Variants in COL6A3 observed in about 807,000 individuals in gnomAD.
The protein encoded by COL6A3 is collagen alpha-3(VI) chain.
COL6A3 carries 137 observed loss-of-function variants against 274.1 expected under a neutral mutation model. The observed-to-expected ratio is 0.50, with a 90% CI of 0.44 to 0.58. The LOEUF (loss-of-function observed/expected upper bound fraction) is 0.58, where lower values mean the gene tolerates loss of function less well. Ranked by LOEUF, COL6A3 falls within the 20% of genes least tolerant of loss-of-function variation. The pLI is 0.00. For synonymous variants in COL6A3, 1,650 were observed against 1,650.6 expected, an observed-to-expected ratio of 1.00 and a Z score of 0.01; for missense variants, 3,950 against 4,124.9, an observed-to-expected ratio of 0.96 and a Z score of 1.16.
rs936039066 is a variant in COL6A3 at position 237,414,044 on chromosome 2, T to C, written c.-122A>G. On this transcript the variant is annotated 5_prime_UTR_variant, in exon 1 of 44. Transcript: ENST00000295550. ...TACTTTTCCCACTCACTGCGTCTCT[T>C]TTTCTTTTTGCAGCCTTTCTCCACC... The C allele has an allele frequency of 6.6e-6, 1 of 152,228 alleles. No homozygotes were observed. Among genetic ancestry groups the C allele is most frequent in the Non-Finnish European group, 1.5e-5 (1 of 68,048 alleles). The allele number at this position is 152,228 out of a possible 1,614,324, so 9.4% of individuals were successfully genotyped here.
At position 237,334,546 on chromosome 2, in the gene COL6A3, ATAAG is replaced by A. The variant is rs377696809; in HGVS notation, c.9229+76_9229+79del. 4.1e-3 allele frequency: 6,090 copies of A among 1,470,818 alleles called. 14 individuals are homozygous for A. Among genetic ancestry groups the A allele is most frequent in the Non-Finnish European group, 5.3e-3 (5,571 of 1,057,320 alleles). 91.1% of individuals were successfully genotyped at this position (1,470,818 alleles called of 1,614,324 possible). On this transcript the variant is annotated intron_variant, in intron 41 of 43. Transcript: ENST00000295550. Reference sequence around the variant, plus strand: ...TTGTGGTTATTTCAGAATAGATTCAATAAGTAAGTGTCTCCTTTGTGTCCTATTT... The same window carrying A: ...TTGTGGTTATTTCAGAATAGATTCAATAAGTGTCTCCTTTGTGTCCTATTT...
At chr2:237,357,759 G>C in intron 22 of COL6A3, 58 bp downstream of exon 22, 1 of 1,548,760 alleles carries the variant, frequency 6.5e-7, no homozygotes, top group Non-Finnish European at 8.9e-7. Context: ...GAGCCGAGAA[G>C]TGTGTCCTTT....
In COL6A3 at chr2:237,377,172, A is replaced by G; in HGVS notation, c.2670T>C (p.Phe890=). 1 of 1,614,190 alleles carries G rather than the reference A, an allele frequency of 6.2e-7. No homozygotes were observed. ...YSDDVKVESR[F]DEHQSKPEIL... Reference sequence around the variant, plus strand: ...TCTCAGGCTTACTCTGGTGCTCATCAAAACGGGACTCCACCTTGACATCAT... The same window carrying G: ...TCTCAGGCTTACTCTGGTGCTCATCGAAACGGGACTCCACCTTGACATCAT... Residue 890 remains phenylalanine (F), a synonymous_variant, in exon 7 of 44, where the codon TTT becomes TTC. Coordinates refer to ENST00000295550, the MANE Select transcript of COL6A3 (RefSeq NM_004369.4).
chr2:237,363,210 G>C, intron 14 of COL6A3, 43 bp downstream of exon 14: 6 of 1,602,020 alleles, frequency 3.7e-6, no homozygotes, highest in South Asian at 1.1e-5. Context: ...AAAAGGTGTG[G>C]TATCTACACT....
chr2:237,348,787 G>A, intron 28 of COL6A3, 124 bp from the exon 29 acceptor site: 1 of 812,464 alleles, frequency 1.2e-6, no homozygotes. Context: ...GCAGACTAAG[G>A]TACAGGAGTA....
chr2:237,363,443 A>G, intron 13 of COL6A3, 45 bp from the exon 14 acceptor site: 1 of 1,610,654 alleles, frequency 6.2e-7, no homozygotes, highest in Non-Finnish European at 8.5e-7. Flanking sequence ...AGGCATGTGG[A>G]AAATGCAATG....
chr2:237,358,341 G>T (rs968949377), intron 21 of COL6A3, among the ~76,000 whole-genome samples, 180 bp downstream of exon 21: 10 of 152,138 alleles, frequency 6.6e-5, no homozygotes, highest in Middle Eastern at 3.2e-3. Context: ...TGATTATCTG[G>T]TTAGCAAGAG....
At chr2:237,359,003 C>G in intron 20 of COL6A3, 32 bp downstream of exon 20, 1 of 1,602,650 alleles carries the variant, frequency 6.2e-7, no homozygotes, top group Non-Finnish European at 8.5e-7. Context: ...GATATTCTTT[C>G]CATAATAGCA....
In COL6A3 at chr2:237,407,171, C is replaced by T. The variant is rs1322301660; in HGVS notation, c.-31+6782G>A. Among the ~76,000 whole-genome samples, 1 of 152,070 alleles carries T rather than the reference C, an allele frequency of 6.6e-6. No homozygotes were observed. Among genetic ancestry groups the T allele is most frequent in the African/African-American group, 2.4e-5 (1 of 41,404 alleles). Reference sequence around the variant, plus strand: ...AAGGGATCCTCCTGCCCTGGCCTCCCAATGTGCTGGGATTATAGGCATGAG... The same window carrying T: ...AAGGGATCCTCCTGCCCTGGCCTCCTAATGTGCTGGGATTATAGGCATGAG... On this transcript the variant is annotated intron_variant, in intron 1 of 43. Coordinates refer to ENST00000295550, the MANE Select transcript of COL6A3 (RefSeq NM_004369.4). This position sits in a 1 kb window ranked among gnomAD's most constrained non-coding sequence, Gnocchi z 4.3.
rs1439041714 is a variant in COL6A3 at position 237,365,968 on chromosome 2, CTTCT to C, written c.5564_5567del (p.Gln1855ArgfsTer11). On this transcript the variant is annotated frameshift_variant, in exon 12 of 44. Transcript: ENST00000295550. LOFTEE classifies it high-confidence loss of function. ...TGGCGTCCACCTTGGACTCGAAGCC[CTTCT>C]GGGCCACAAAAACATTCTGGTCTCT... The C allele has an allele frequency of 3.7e-6, 6 of 1,614,032 alleles. No individual in the cohort carries two copies. Among genetic ancestry groups the C allele is most frequent in the Non-Finnish European group, 5.1e-6 (6 of 1,180,032 alleles).
Position 237,344,932 on chromosome 2 carries a change from T to C in COL6A3, c.7174+9A>G. 6.2e-7 allele frequency: 1 copy of C among 1,613,874 alleles called. No individual in the cohort carries two copies. Among genetic ancestry groups the C allele is most frequent in the South Asian group, 1.1e-5 (1 of 91,078 alleles). On this transcript the variant is annotated intron_variant, in intron 35 of 43. Coordinates refer to ENST00000295550, the MANE Select transcript of COL6A3 (RefSeq NM_004369.4). The surrounding 1 kb of genome is among the most constrained non-coding windows in gnomAD (Gnocchi z 4.8). ...TTTCCTTAGGAGAAAGTCACCAAAA[T>C]CAACTTACCGTAACAGCAAGCTAGA...
Position 237,350,622 on chromosome 2 carries a change from G to A in COL6A3, c.6817-413C>T, listed in dbSNP as rs75372178. On this transcript the variant is annotated intron_variant, in intron 27 of 43. Transcript: ENST00000295550. The stretch of plus-strand genomic sequence containing the variant: ...ACAAATTGTAATTTATCTCAAAGCT[G>A]ATAGAAAGGAGGTTCTCAGGCAGCC... Among the ~76,000 whole-genome samples, 25 of 152,350 alleles carry A rather than the reference G, an allele frequency of 1.6e-4. No individual in the cohort carries two copies. The East Asian group carries it at 4.6e-3, about 28-fold the overall frequency.
At chr2:237,360,010 C>A in intron 17 of COL6A3, 78 bp downstream of exon 17, 1 of 1,458,622 alleles carries the variant, frequency 6.9e-7, no homozygotes, top group Non-Finnish European at 9.6e-7. Flanking sequence ...CCAGCGCCTC[C>A]CTCCCTGGCA....
intron 7 of COL6A3, among the ~76,000 whole-genome samples, chr2:237,376,543 C>T (rs771200891): frequency 1.3e-5 from 2 of 152,154 alleles, no homozygotes; most frequent in African/African-American, 4.8e-5. Context: ...TAATCTAATG[C>T]CCTTAAAAAT....
In COL6A3 at chr2:237,371,746, C is replaced by T. The variant is rs149838946; in HGVS notation, c.4271G>A (p.Arg1424His). The change falls in exon 9 of 44, where the codon CGC (arginine) becomes CAC (histidine). Residue 1424 changes from arginine to histidine, a missense_variant. Arg to His is a conservative substitution (Grantham distance 29, BLOSUM62 0). This residue lies in a region of COL6A3 where 1,934 missense variants were observed against 1,984.3 expected (regional missense o/e 0.97). Transcript: ENST00000295550. This position sits in a 1 kb window ranked among gnomAD's most constrained non-coding sequence, Gnocchi z 4.3. ...EQIQKLLAST[R>H]YPPPAVESDA... ...CCCCATCTCACCTGGAGGTGGATAG[C>T]GAGTGCTGGCTAAGAGCTTCTGGAT... is the stretch of plus-strand genomic sequence containing the variant. 104 of 1,600,714 alleles carry T rather than the reference C, an allele frequency of 6.5e-5. No individual in the cohort carries two copies. Among genetic ancestry groups the T allele is most frequent in the Admixed American group, 1.2e-4 (7 of 58,958 alleles).
rs1309260007 is a variant in COL6A3, at chr2:237,334,844, C to T, written c.9011G>A (p.Ser3004Asn). 6.2e-7 allele frequency: 1 copy of T among 1,614,160 alleles called. No homozygotes were observed. The highest frequency in any genetic ancestry group is 8.5e-7 in the Non-Finnish European group (1 of 1,180,030). Reference sequence around the variant, plus strand: ...AGCCCTCTCCCAGTGGAGTTTGGCGCTGTTCTCTGTTATCTCAAACACCTG... The same window carrying T: ...AGCCCTCTCCCAGTGGAGTTTGGCGTTGTTCTCTGTTATCTCAAACACCTG... ...EVQVFEITEN[S>N]AKLHWERAEP... The change falls in exon 41 of 44, where the codon AGC becomes AAC. Residue 3004 changes from serine (S) to asparagine (N), a missense_variant. By Grantham distance (46) the Ser-to-Asn change is conservative. Coordinates refer to ENST00000295550, the MANE Select transcript of COL6A3 (RefSeq NM_004369.4).
At chr2:237,386,195 G>A (rs1339981186) in intron 4 of COL6A3, among the ~76,000 whole-genome samples, 3 of 152,194 alleles carry the variant, frequency 2.0e-5, no homozygotes, top group Admixed American at 2.0e-4. Flanking sequence ...AGGAAATGTG[G>A]TGTGTTGCCT....
chr2:237,400,312 A>G (rs1026095812), intron 1 of COL6A3, among the ~76,000 whole-genome samples: 1 of 152,230 alleles, frequency 6.6e-6, no homozygotes, highest in Non-Finnish European at 1.5e-5. Context: ...CTAAAACTCC[A>G]AATGCTTACA....
chr2:237,393,888 C>T (rs554920241), intron 3 of COL6A3, among the ~76,000 whole-genome samples: 2 of 152,168 alleles, frequency 1.3e-5, no homozygotes, highest in Non-Finnish European at 2.9e-5. Context: ...CTCAATACTT[C>T]CAGAGTGGTT....
Sources: gnomAD v4.1 joint callset for allele counts (sites outside exome capture counted in the v4.1 genomes callset) on GRCh38, gnomAD v4.1.1 for gene constraint, gnomAD v4.1.1 regional missense constraint, Gnocchi (gnomAD v3.1) non-coding constraint, MANE v1.5 for transcripts, NCBI Gene and HGNC (gene_info 2026-07-23, HGNC 2026-07-21) for gene names.